Variants in THBD observed in about 807,000 individuals in gnomAD.
THBD encodes the protein CD141 antigen.
For missense variants in THBD, 850 were observed against 816.9 expected (o/e 1.04, Z -0.49); for synonymous variants, 449 against 374.2 (o/e 1.20, Z -2.31).
At position 23,047,834 on chromosome 20, in the gene THBD, A is replaced by T. The variant is rs747367882; in HGVS notation, c.1671T>A (p.Pro557=). The T allele has an allele frequency of 6.9e-6, 11 of 1,599,724 alleles. No individual in the cohort carries two copies. In the South Asian group the frequency reaches 1.2e-4, roughly 18 times the overall value. The part of the protein sequence containing the change: ...RAKMEYKCAA[P]SKEVVLQHVR... ...CGTGCTGCAGCACTACCTCCTTGGA[A>T]GGGGCCGCGCACTTGTACTCCATCT... The change falls in exon 1 of 1, where the codon CCT becomes CCA. Residue 557 remains proline (P), a synonymous_variant. Coordinates refer to ENST00000377103, the MANE Select transcript of THBD (RefSeq NM_000361.3).
In THBD at chr20:23,049,533, C is replaced by G. The variant is rs1367695317; in HGVS notation, c.-29G>C. The G allele has an allele frequency of 2.0e-6, 3 of 1,532,194 alleles. No individual in the cohort carries two copies. Among genetic ancestry groups the G allele is most frequent in the Non-Finnish European group, 2.6e-6 (3 of 1,137,954 alleles). 94.9% of individuals were successfully genotyped at this position (1,532,194 alleles called of 1,614,324 possible). ...ACCCAGGCGCGCCGCGTGCAGGCGC[C>G]GGGGAAAGCGCGGGCACTGCGACAG... On this transcript the variant is annotated 5_prime_UTR_variant, in exon 1 of 1. Coordinates refer to ENST00000377103, the MANE Select transcript of THBD (RefSeq NM_000361.3).
chr20:23,049,013 G>T lies in THBD; in HGVS notation c.492C>A (p.Gly164=). Residue 164 remains glycine, a synonymous_variant, in exon 1 of 1, where the codon GGC becomes GGA. Transcript: ENST00000377103. ...CTGGGAAGTGGAACTCGCAGAGGAA[G>T]CCATCGGCCTTCACTTCGCACTGCT... The part of the protein sequence containing the change: ...EEQQCEVKAD[G]FLCEFHFPAT... The T allele has an allele frequency of 6.4e-7, 1 of 1,573,550 alleles. No homozygotes were observed.
At position 23,048,172 on chromosome 20, in the gene THBD, AC is replaced by A; in HGVS notation, c.1332del (p.Glu444AspfsTer62). On this transcript the variant is annotated frameshift_variant, in exon 1 of 1. Coordinates refer to ENST00000377103, the MANE Select transcript of THBD (RefSeq NM_000361.3). LOFTEE classifies it low-confidence loss of function (END_TRUNC). ...CCGGAGCAGAAGCCGCCGTTTTCGCACTCGTCGATGTCCGTGCAGATGAAAC... is the reference window on the plus strand; with the variant it reads ...CCGGAGCAGAAGCCGCCGTTTTCGCATCGTCGATGTCCGTGCAGATGAAAC... ...DDGFICTDID[E>X]CENGGFCSGV... is the part of the protein sequence containing the mutation. 6.2e-7 allele frequency: 1 copy of A among 1,613,922 alleles called. No individual in the cohort carries two copies. The highest frequency in any genetic ancestry group is 8.5e-7 in the Non-Finnish European group (1 of 1,180,012).
At position 23,049,224 on chromosome 20, in the gene THBD, G is replaced by A; in HGVS notation, c.281C>T (p.Pro94Leu). Reference sequence around the variant, plus strand: ...GAGGCGCTTGGGGTCGCCGCAGCCGGGTGGCAGCTGCAGGCCGATCCAGAG... The same window carrying A: ...GAGGCGCTTGGGGTCGCCGCAGCCGAGTGGCAGCTGCAGGCCGATCCAGAG... Reference protein sequence around the residue: ...RRLWIGLQLPPGCGDPKRLGP... With the variant: ...RRLWIGLQLPLGCGDPKRLGP... The change falls in exon 1 of 1, where the codon CCC (proline) becomes CTC (leucine). Residue 94 changes from proline (P) to leucine (L), a missense_variant. Coordinates refer to ENST00000377103, the MANE Select transcript of THBD (RefSeq NM_000361.3). 1.3e-6 allele frequency: 2 copies of A among 1,556,520 alleles called. No individual in the cohort carries two copies. Among genetic ancestry groups the A allele is most frequent in the Non-Finnish European group, 8.7e-7 (1 of 1,150,472 alleles).
chr20:23,048,918 G>T lies in THBD; in HGVS notation c.587C>A (p.Pro196Gln). Reference protein sequence around the residue: ...AAAVSITYGTPFAARGADFQA... With the variant: ...AAAVSITYGTQFAARGADFQA... ...GAAGTCCGCTCCGCGGGCCGCGAAC[G>T]GGGTGCCGTAGGTGATCGAGACGGC... Residue 196 changes from proline to glutamine, a missense_variant, in exon 1 of 1, where the codon CCG becomes CAG. Transcript: ENST00000377103. The T allele has an allele frequency of 6.5e-7, 1 of 1,527,920 alleles. No individual in the cohort carries two copies. Among genetic ancestry groups the T allele is most frequent in the Non-Finnish European group, 8.8e-7 (1 of 1,140,028 alleles). 94.6% of individuals were successfully genotyped at this position (1,527,920 alleles called of 1,614,324 possible).
Position 23,047,429 on chromosome 20 carries a change from G to A in THBD, c.*348C>T. 2.8e-6 allele frequency: 1 copy of A among 352,748 alleles called. No homozygotes were observed. The allele number at this position is 352,748 out of a possible 1,614,324, so 21.9% of individuals were successfully genotyped here. ...ATACTTAAAAAAAATAAATATTTTA[G>A]TCATCCCTAGCCCACGAGGTCAAGG... On this transcript the variant is annotated 3_prime_UTR_variant, in exon 1 of 1. Transcript: ENST00000377103.
rs1984629786 is a variant in THBD at position 23,048,146 on chromosome 20, C to T, written c.1359G>A (p.Gly453=). The T allele has an allele frequency of 6.2e-7, 1 of 1,613,586 alleles. No individual in the cohort carries two copies. The highest frequency in any genetic ancestry group is 1.3e-5 in the African/African-American group (1 of 74,934). The change falls in exon 1 of 1, where the codon GGG becomes GGA. Residue 453 remains glycine, a synonymous_variant. Coordinates refer to ENST00000377103, the MANE Select transcript of THBD (RefSeq NM_000361.3). ...AGGTACCGGGGAGGTTGTGGCACAC[C>T]CCGGAGCAGAAGCCGCCGTTTTCGC... ...DECENGGFCS[G]VCHNLPGTFE...
rs1239567703 is a variant in THBD, at chr20:23,048,654, G to C, written c.851C>G (p.Ala284Gly). 1 of 1,593,342 alleles carries C rather than the reference G, an allele frequency of 6.3e-7. No individual in the cohort carries two copies. The highest frequency in any genetic ancestry group is 8.5e-7 in the Non-Finnish European group (1 of 1,177,170). ...GCAGAGGTCGTTGCAGGACTGCGTC[G>C]CGGATGCGGTGCAGGAGCGCCCGTC... Reference protein sequence around the residue: ...QADGRSCTASATQSCNDLCEH... With the variant: ...QADGRSCTASGTQSCNDLCEH... Residue 284 changes from alanine to glycine, a missense_variant, in exon 1 of 1, where the codon GCG (alanine) becomes GGG (glycine). Ala to Gly is a moderately conservative substitution (Grantham distance 60). Coordinates refer to ENST00000377103, the MANE Select transcript of THBD (RefSeq NM_000361.3).
chr20:23,049,428 C>T lies in THBD; in HGVS notation c.77G>A (p.Gly26Asp), dbSNP rs757422951. 1 of 1,570,052 alleles carries T rather than the reference C, an allele frequency of 6.4e-7. No individual in the cohort carries two copies. Among genetic ancestry groups the T allele is most frequent in the Admixed American group, 1.8e-5 (1 of 54,136 alleles). Residue 26 changes from glycine (G) to aspartate (D), a missense_variant, in exon 1 of 1, where the codon GGT becomes GAT. Physicochemically the swap from Gly to Asp is moderately conservative, Grantham distance 94. Coordinates refer to ENST00000377103, the MANE Select transcript of THBD (RefSeq NM_000361.3). ...GTCGTGCTCGACGCACTGGCTGCCACCCGGCTGCGGCTCTGCGGGTGCGGG... is the reference window on the plus strand; with the variant it reads ...GTCGTGCTCGACGCACTGGCTGCCATCCGGCTGCGGCTCTGCGGGTGCGGG... Reference protein sequence around the residue: ...GFPAPAEPQPGGSQCVEHDCF... With the variant: ...GFPAPAEPQPDGSQCVEHDCF...
Position 23,049,541 on chromosome 20 carries a change from G to T in THBD, c.-37C>A. 6.5e-7 allele frequency: 1 copy of T among 1,535,632 alleles called. No individual in the cohort carries two copies. On this transcript the variant is annotated 5_prime_UTR_variant, in exon 1 of 1. Transcript: ENST00000377103. ...GCGCCGCGTGCAGGCGCCGGGGAAA[G>T]CGCGGGCACTGCGACAGGGCCGTGC...
At position 23,048,513 on chromosome 20, in the gene THBD, A is replaced by G; in HGVS notation, c.992T>C (p.Leu331Pro). 6.2e-7 allele frequency: 1 copy of G among 1,606,150 alleles called. No homozygotes were observed. Among genetic ancestry groups the G allele is most frequent in the Non-Finnish European group, 8.5e-7 (1 of 1,179,994 alleles). ...GCGCTGCGGACACGGACTGGGCTCC[A>G]GTATGCAGTCATCCACGTCCTCGCA... ...HRCEDVDDCI[L>P]EPSPCPQRCV... Residue 331 changes from leucine (L) to proline (P), a missense_variant, in exon 1 of 1, where the codon CTG becomes CCG. Physicochemically the swap from Leu to Pro is moderately conservative, Grantham distance 98 (BLOSUM62 -3). Transcript: ENST00000377103.
rs754623239 is a variant in THBD, at chr20:23,047,958, C to T, written c.1547G>A (p.Gly516Asp). Residue 516 changes from glycine (G) to aspartate (D), a missense_variant, in exon 1 of 1, where the codon GGC (glycine) becomes GAC (aspartate). Transcript: ENST00000377103. ...TPPAVGLVHS[G>D]LLIGISIASL... is the part of the protein sequence containing the mutation. The stretch of plus-strand genomic sequence containing the variant: ...CGCGATGGAGATGCCTATGAGCAAG[C>T]CCGAATGCACGAGCCCCACGGCCGG... The T allele has an allele frequency of 1.5e-5, 24 of 1,609,306 alleles. 1 individual carries two copies. In the South Asian group the frequency reaches 2.7e-4, roughly 18 times the overall value.
Position 23,047,962 on chromosome 20 carries a change from A to G in THBD, c.1543T>C (p.Ser515Pro), listed in dbSNP as rs1440481589. 1 of 1,609,732 alleles carries G rather than the reference A, an allele frequency of 6.2e-7. No homozygotes were observed. The highest frequency in any genetic ancestry group is 1.7e-5 in the Admixed American group (1 of 59,470). ...LTPPAVGLVH[S>P]GLLIGISIAS... ...ATGGAGATGCCTATGAGCAAGCCCGAATGCACGAGCCCCACGGCCGGAGGA... is the reference window on the plus strand; with the variant it reads ...ATGGAGATGCCTATGAGCAAGCCCGGATGCACGAGCCCCACGGCCGGAGGA... Residue 515 changes from serine to proline, a missense_variant, in exon 1 of 1, where the codon TCG becomes CCG. Physicochemically the swap from Ser to Pro is moderately conservative, Grantham distance 74 (BLOSUM62 -1). Transcript: ENST00000377103.
chr20:23,047,409 TA>T lies in THBD; in HGVS notation c.*367del, dbSNP rs903714374. On this transcript the variant is annotated 3_prime_UTR_variant, in exon 1 of 1. Transcript: ENST00000377103. The stretch of plus-strand genomic sequence containing the variant: ...GGAAACAAACAAAAACCTAAATACT[TA>T]AAAAAAATAAATATTTTAGTCATCC... 6 of 277,600 alleles carry T rather than the reference TA, an allele frequency of 2.2e-5. No homozygotes were observed. The highest frequency in any genetic ancestry group is 2.2e-5 in the African/African-American group (1 of 45,356). 17.2% of individuals were successfully genotyped at this position (277,600 alleles called of 1,614,324 possible).
Position 23,049,058 on chromosome 20 carries a change from G to T in THBD, c.447C>A (p.Ser149Arg), listed in dbSNP as rs201702344. 3.9e-6 allele frequency: 6 copies of T among 1,542,540 alleles called. No homozygotes were observed. Among genetic ancestry groups the T allele is most frequent in the Non-Finnish European group, 4.4e-6 (5 of 1,148,662 alleles). Residue 149 changes from serine (S) to arginine (R), a missense_variant, in exon 1 of 1, where the codon AGC becomes AGA. Transcript: ENST00000377103. Reference protein sequence around the residue: ...AVSAAEATVPSEPIWEEQQCE... With the variant: ...AVSAAEATVPREPIWEEQQCE... Reference sequence around the variant, plus strand: ...ACTGCTGCTCCTCCCAGATCGGCTCGCTGGGCACAGTGGCCTCAGCAGCGG... The same window carrying T: ...ACTGCTGCTCCTCCCAGATCGGCTCTCTGGGCACAGTGGCCTCAGCAGCGG...
chr20:23,048,741 G>C lies in THBD; in HGVS notation c.764C>G (p.Ala255Gly), dbSNP rs749965272. The change falls in exon 1 of 1, where the codon GCG (alanine) becomes GGG (glycine). Residue 255 changes from alanine to glycine, a missense_variant. Transcript: ENST00000377103. ...CSVENGGCEH[A>G]CNAIPGAPRC... ...GGGAGCCCCAGGGATCGCATTGCAC[G>C]CGTGCTCGCAGCCGCCGTTCTCCAC... The C allele has an allele frequency of 1.9e-6, 3 of 1,570,736 alleles. No homozygotes were observed. In the East Asian group the frequency reaches 6.9e-5, roughly 36 times the overall value.
At position 23,046,281 on chromosome 20, in the gene THBD, T is replaced by C. The variant is rs1197708431; in HGVS notation, c.*1496A>G. The C allele has an allele frequency of 6.6e-6, 1 of 152,504 alleles. No homozygotes were observed. Among genetic ancestry groups the C allele is most frequent in the Non-Finnish European group, 1.5e-5 (1 of 68,030 alleles). 9.4% of individuals were successfully genotyped at this position (152,504 alleles called of 1,614,324 possible). Reference sequence around the variant, plus strand: ...AGCCTTTTCTACCAAAGAGCAAAGCTACACAAAGAAAATTCCTCAGTTTCT... The same window carrying C: ...AGCCTTTTCTACCAAAGAGCAAAGCCACACAAAGAAAATTCCTCAGTTTCT... On this transcript the variant is annotated 3_prime_UTR_variant, in exon 1 of 1. Transcript: ENST00000377103.
In THBD at chr20:23,048,721, C is replaced by G. The variant is rs1250473764; in HGVS notation, c.784G>C (p.Ala262Pro). Residue 262 changes from alanine (A) to proline (P), a missense_variant, in exon 1 of 1, where the codon GCT becomes CCT. Transcript: ENST00000377103. ...CEHACNAIPG[A>P]PRCQCPAGAA... Reference sequence around the variant, plus strand: ...CCGGCTGGGCACTGGCAGCGGGGAGCCCCAGGGATCGCATTGCACGCGTGC... The same window carrying G: ...CCGGCTGGGCACTGGCAGCGGGGAGGCCCAGGGATCGCATTGCACGCGTGC... 1 of 1,580,444 alleles carries G rather than the reference C, an allele frequency of 6.3e-7. No individual in the cohort carries two copies. The highest frequency in any genetic ancestry group is 8.5e-7 in the Non-Finnish European group (1 of 1,171,434).
In THBD at chr20:23,048,303, G is replaced by C. The variant is rs763048427; in HGVS notation, c.1202C>G (p.Pro401Arg). 6.2e-7 allele frequency: 1 copy of C among 1,613,904 alleles called. No homozygotes were observed. Among genetic ancestry groups the C allele is most frequent in the Non-Finnish European group, 8.5e-7 (1 of 1,180,046 alleles). ...GTTGCAAAACATCTGGCACCTGTGC[G>C]GCTCGTGGGGAATGGGCGCGAAGCC... ...AEGFAPIPHE[P>R]HRCQMFCNQT... The change falls in exon 1 of 1, where the codon CCG becomes CGG. Residue 401 changes from proline (P) to arginine (R), a missense_variant. By Grantham distance (103) the Pro-to-Arg change is moderately radical (BLOSUM62 -2). Coordinates refer to ENST00000377103, the MANE Select transcript of THBD (RefSeq NM_000361.3).
Sources: allele counts gnomAD v4.1 joint callset, GRCh38; gene constraint gnomAD v4.1.1; transcripts MANE v1.5; gene names NCBI Gene and HGNC (gene_info 2026-07-23, HGNC 2026-07-21).